Variants in TMEM232 observed in about 807,000 individuals in gnomAD.
The protein encoded by TMEM232 is transmembrane protein 232.
In TMEM232, 80 loss-of-function variants were observed where a neutral mutation model predicts 78.8. The observed-to-expected ratio is 1.01, with a 90% CI of 0.85 to 1.22. The LOEUF (loss-of-function observed/expected upper bound fraction) is 1.22, where lower values mean the gene tolerates loss of function less well. Ranked by LOEUF, TMEM232 falls within the 50% of genes most tolerant of loss-of-function variation. The pLI, the probability that TMEM232 is intolerant of heterozygous loss-of-function variation, is 0.00. For synonymous variants in TMEM232, 297 were observed against 254.3 expected (o/e 1.17, Z -1.60); for missense variants, 881 against 742.2 (o/e 1.19, Z -2.17).
At chr5:110,544,847 A>G (rs1773583815) in intron 11 of TMEM232, among the ~76,000 whole-genome samples, 1 of 152,156 alleles carries the variant, frequency 6.6e-6, no homozygotes, top group East Asian at 1.9e-4. Context: ...TTTTATTGCC[A>G]GTACCTGGGA....
At position 110,609,897 on chromosome 5, in the gene TMEM232, A is replaced by T. The variant is rs912361496; in HGVS notation, c.903-3610T>A. Among the ~76,000 whole-genome samples the T allele has an allele frequency of 3.7e-4, 56 of 152,218 alleles. 1 individual carries two copies. The highest frequency in any genetic ancestry group is 1.2e-4 in the Non-Finnish European group (8 of 68,008). On this transcript the variant is annotated intron_variant, in intron 8 of 13. Coordinates refer to ENST00000455884, the MANE Select transcript of TMEM232 (RefSeq NM_001039763.4). ...AAAGGCTAAAGAGAGTATCAGTCTC[A>T]GTACTCAGAGAGGGTCATAATTCTG...
intron 1 of TMEM232, among the ~76,000 whole-genome samples, chr5:110,715,410 G>A (rs139679571): frequency 3.8e-4 from 58 of 152,242 alleles, no homozygotes; most frequent in African/African-American, 1.3e-3. Context: ...ACTGAATAGA[G>A]GAAATGATTG....
intron 2 of TMEM232, among the ~76,000 whole-genome samples, chr5:110,404,556 A>G (rs1031372479): frequency 2.6e-5 from 4 of 152,106 alleles, no homozygotes; most frequent in Admixed American, 6.6e-5. Flanking sequence ...TTTTATGGAA[A>G]AGAATATAAA....
chr5:110,610,240 A>AAGGAAGAG (rs1782048567), intron 8 of TMEM232, among the ~76,000 whole-genome samples: 1 of 70,124 alleles, frequency 1.4e-5, no homozygotes, highest in African/African-American at 8.5e-5. Context: ...AAAAGAAAGG[A>AAGGAAGAG]AGGAAGGGAG....
At chr5:110,582,483 C>A (rs1008952946) in intron 10 of TMEM232, among the ~76,000 whole-genome samples, 7 of 151,718 alleles carry the variant, frequency 4.6e-5, no homozygotes, top group African/African-American at 1.7e-4. Flanking sequence ...ATAAAGATGG[C>A]AATAATAGAC....
At chr5:110,495,125 A>C (rs1455203004) in intron 12 of TMEM232, among the ~76,000 whole-genome samples, 1 of 150,938 alleles carries the variant, frequency 6.6e-6, no homozygotes, top group Admixed American at 6.6e-5. Flanking sequence ...TTTATATATT[A>C]AATATTATAT....
chr5:110,480,226 C>T (rs889130540), intron 12 of TMEM232, among the ~76,000 whole-genome samples: 2 of 150,706 alleles, frequency 1.3e-5, no homozygotes, highest in African/African-American at 4.9e-5. Context: ...CTATATTCTC[C>T]ATGCAAAAAA....
intron 4 of TMEM232, among the ~76,000 whole-genome samples, chr5:110,388,627 C>A (rs752647163): frequency 9.2e-5 from 14 of 152,084 alleles, no homozygotes; most frequent in Non-Finnish European, 2.1e-4. Context: ...CTACATCTTT[C>A]AATCACATCT....
At chr5:110,669,260 A>C (rs1791037553) in intron 1 of TMEM232, among the ~76,000 whole-genome samples, 1 of 152,242 alleles carries the variant, frequency 6.6e-6, no homozygotes, top group African/African-American at 2.4e-5. Context: ...AAAAGAGAGA[A>C]GAATCAAATA....
chr5:110,490,646 T>C (rs557566661), intron 12 of TMEM232, among the ~76,000 whole-genome samples: 29 of 152,216 alleles, frequency 1.9e-4, no homozygotes, highest in African/African-American at 6.7e-4. Context: ...GGCAGATCAA[T>C]TGAATAGAAT....
chr5:110,443,132 T>C (rs528547256), intron 12 of TMEM232, among the ~76,000 whole-genome samples: 1 of 152,250 alleles, frequency 6.6e-6, no homozygotes, highest in East Asian at 1.9e-4. Flanking sequence ...GATCAGCAAG[T>C]GGTAATGTCA....
chr5:110,517,355 C>A (rs1768826562), intron 12 of TMEM232, among the ~76,000 whole-genome samples: 1 of 152,150 alleles, frequency 6.6e-6, no homozygotes, highest in South Asian at 2.1e-4. Context: ...ACACAATTTC[C>A]TGAAGTTAAT....
At chr5:110,738,515 T>C (rs559698632), upstream of TMEM232, among the ~76,000 whole-genome samples, 5 of 152,272 alleles carry the variant, frequency 3.3e-5, no homozygotes, top group Admixed American at 1.3e-4. Context: ...CACAGTACTT[T>C]CGCGTTCACT....
chr5:110,484,539 AT>A (rs1397735877), intron 12 of TMEM232, among the ~76,000 whole-genome samples: 1 of 152,088 alleles, frequency 6.6e-6, no homozygotes, highest in Non-Finnish European at 1.5e-5. Context: ...GGAAGAAATA[AT>A]TTTTAAAAAT....
chr5:110,517,771 A>C (rs150649674), intron 12 of TMEM232, among the ~76,000 whole-genome samples: 1,738 of 152,312 alleles, frequency 0.011, 19 homozygotes, highest in Non-Finnish European at 0.016. Flanking sequence ...GAACTGTGAA[A>C]AACTGGATAA....
chr5:110,426,260 T>G (rs1332753537), intron 12 of TMEM232, among the ~76,000 whole-genome samples: 1 of 152,068 alleles, frequency 6.6e-6, no homozygotes. Flanking sequence ...GTTGTAATTT[T>G]ACATTTATCA....
chr5:110,594,934 C>A (rs1239308186), intron 10 of TMEM232, among the ~76,000 whole-genome samples: 1 of 152,230 alleles, frequency 6.6e-6, no homozygotes, highest in Non-Finnish European at 1.5e-5. Flanking sequence ...AAAGGGCAGA[C>A]TGCCCCCTCA....
At chr5:110,463,245 A>G (rs565782463) in intron 12 of TMEM232, among the ~76,000 whole-genome samples, 1 of 152,324 alleles carries the variant, frequency 6.6e-6, no homozygotes, top group South Asian at 2.1e-4. Flanking sequence ...AAGGCACTCC[A>G]CCAGCAAAAA....
intron 11 of TMEM232, among the ~76,000 whole-genome samples, chr5:110,537,178 C>G (rs1253752257): frequency 6.6e-6 from 1 of 152,062 alleles, no homozygotes; most frequent in Non-Finnish European, 1.5e-5. Flanking sequence ...CCACCTGATT[C>G]CACTATGGAC....
Sources: allele counts gnomAD v4.1 joint callset (sites outside exome capture counted in the v4.1 genomes callset), GRCh38; gene constraint gnomAD v4.1.1; transcripts MANE v1.5; gene names NCBI Gene and HGNC (gene_info 2026-07-23, HGNC 2026-07-21).